Variants in ATP10B observed in about 807,000 individuals in gnomAD.
ATP10B encodes the protein phospholipid-transporting ATPase VB.
A neutral mutation model predicts 141.2 loss-of-function variants in ATP10B; 122 were observed. The observed-to-expected ratio is 0.86, with a 90% CI of 0.75 to 1.00. ATP10B has a LOEUF of 1.00. ATP10B is among the 50% of genes least tolerant of loss of function. ATP10B has a pLI of 0.00. For synonymous variants in ATP10B, 685 were observed against 692.0 expected, an observed-to-expected ratio of 0.99 and a Z score of 0.16; for missense variants, 1,876 against 1,825.3, an observed-to-expected ratio of 1.03 and a Z score of -0.51.
chr5:160,622,332 T>TA, intron 14 of ATP10B, 62 bp downstream of exon 14: 1 of 1,501,296 alleles, frequency 6.7e-7, no homozygotes, highest in Non-Finnish European at 8.9e-7. Context: ...CCCTCGCCCC[T>TA]ACCCTGCCTT....
intron 2 of ATP10B, among the ~76,000 whole-genome samples, chr5:160,780,202 A>T (rs998349867): frequency 6.6e-5 from 10 of 152,100 alleles, no homozygotes; most frequent in African/African-American, 2.4e-4. Flanking sequence ...AGAGAGACTG[A>T]GAGTACTGGA....
At chr5:160,653,777 T>C (rs1761203795) in intron 7 of ATP10B, among the ~76,000 whole-genome samples, 1 of 119,556 alleles carries the variant, frequency 8.4e-6, no homozygotes, top group African/African-American at 3.5e-5. Context: ...TATATACATA[T>C]ATACATATAT....
chr5:160,634,544 G>A lies in ATP10B; in HGVS notation c.1191C>T (p.Phe397=). Reference sequence around the variant, plus strand: ...CATACAGGTCAAGGTCATTGCTCAAGAAGAACACTTGCCCGAGCTTCACCA... The same window carrying A: ...CATACAGGTCAAGGTCATTGCTCAAAAAGAACACTTGCCCGAGCTTCACCA... ...IELVKLGQVF[F]LSNDLDLYDE... is the part of the protein sequence containing the mutation. Residue 397 remains phenylalanine, a synonymous_variant, in exon 12 of 26, where the codon TTC becomes TTT. Transcript: ENST00000327245. 1 of 1,614,180 alleles carries A rather than the reference G, an allele frequency of 6.2e-7. No homozygotes were observed. Among genetic ancestry groups the A allele is most frequent in the Middle Eastern group, 1.6e-4 (1 of 6,062 alleles).
At chr5:160,709,607 A>AT (rs1341233389) in intron 3 of ATP10B, among the ~76,000 whole-genome samples, 4 of 95,586 alleles carry the variant, frequency 4.2e-5, no homozygotes, top group Non-Finnish European at 8.0e-5. Flanking sequence ...TTTTTTTTTT[A>AT]ATTTTTTTTT....
At chr5:160,684,780 C>T in intron 6 of ATP10B, 1 of 625,588 alleles carries the variant, frequency 1.6e-6, no homozygotes, top group South Asian at 1.9e-5. Flanking sequence ...GCAGTGATAG[C>T]AGCCACAAAA....
intron 3 of ATP10B, 22 bp downstream of exon 3, chr5:160,716,887 G>C: frequency 1.0e-6 from 1 of 985,056 alleles, no homozygotes; most frequent in Non-Finnish European, 1.2e-6. Flanking sequence ...AAAGAAACGG[G>C]GAAGCAACGC....
At chr5:160,698,086 C>G (rs749149013) in intron 3 of ATP10B, among the ~76,000 whole-genome samples, 1 of 152,118 alleles carries the variant, frequency 6.6e-6, no homozygotes, top group African/African-American at 2.4e-5. Flanking sequence ...ATTTCTCCCT[C>G]GAACTTTACA....
chr5:160,889,636 C>T, the ATP10B span, among the ~76,000 whole-genome samples: 4 of 152,164 alleles, frequency 2.6e-5, no homozygotes, highest in Admixed American at 2.0e-4. Flanking sequence ...TCCCGTGGAG[C>T]TTACATAGAA....
chr5:160,672,257 G>C (rs544529666), intron 6 of ATP10B, among the ~76,000 whole-genome samples: 1 of 152,084 alleles, frequency 6.6e-6, no homozygotes, highest in Admixed American at 6.5e-5. Flanking sequence ...GATTACAGGC[G>C]TGAGCTACTG....
intron 1 of ATP10B, among the ~76,000 whole-genome samples, chr5:160,847,222 T>C (rs901317556): frequency 6.6e-6 from 1 of 152,206 alleles, no homozygotes; most frequent in African/African-American, 2.4e-5. Flanking sequence ...GGGCATTTCA[T>C]CAGAATTGCC....
At chr5:160,731,553 A>T (rs1170505149) in intron 2 of ATP10B, among the ~76,000 whole-genome samples, 1 of 152,174 alleles carries the variant, frequency 6.6e-6, no homozygotes, top group African/African-American at 2.4e-5. Context: ...TGGGAGTTGT[A>T]TGGAGAATGG....
chr5:160,806,356 G>T (rs1454331448), intron 1 of ATP10B, among the ~76,000 whole-genome samples: 2 of 152,300 alleles, frequency 1.3e-5, no homozygotes, highest in Admixed American at 1.3e-4. Context: ...AAGGTAAGCA[G>T]GCAATCAGCA....
chr5:160,594,670 T>C (rs6885105), intron 22 of ATP10B, among the ~76,000 whole-genome samples: 117,635 of 147,758 alleles, frequency 0.8, 46,897 homozygotes, highest in Middle Eastern at 0.87. Context: ...CACACATAGG[T>C]TCAAAATAAA....
chr5:160,835,294 T>C (rs535674417), intron 1 of ATP10B, among the ~76,000 whole-genome samples: 113 of 152,228 alleles, frequency 7.4e-4, no homozygotes, highest in Non-Finnish European at 1.5e-3. Context: ...ACTGTGCTTG[T>C]TGAAGAACAA....
chr5:160,881,748 T>A, the ATP10B span, among the ~76,000 whole-genome samples: 5 of 151,894 alleles, frequency 3.3e-5, no homozygotes, highest in Non-Finnish European at 7.4e-5. Flanking sequence ...GAGGTGGAGC[T>A]TGCAGTGAGA....
intron 6 of ATP10B, among the ~76,000 whole-genome samples, chr5:160,683,042 A>ACCCC (rs1763520994): frequency 2.5e-5 from 1 of 39,320 alleles, no homozygotes; most frequent in African/African-American, 7.4e-5. Context: ...CTGTCCCCCA[A>ACCCC]AAAAAAAAAA....
the ATP10B span, among the ~76,000 whole-genome samples, chr5:160,871,066 GTGT>G: frequency 1.3e-5 from 2 of 150,312 alleles, no homozygotes; most frequent in African/African-American, 4.9e-5. Context: ...CTTATAAGAA[GTGT>G]TGTTATTTAG....
chr5:160,575,974 T>C (rs114934976), intron 24 of ATP10B, among the ~76,000 whole-genome samples: 1,590 of 152,324 alleles, frequency 0.01, 29 homozygotes, highest in African/African-American at 0.034. Context: ...CTTTCTACAT[T>C]ACGGCAAGAA....
At chr5:160,900,521 T>C in the ATP10B span, among the ~76,000 whole-genome samples, 11 of 152,286 alleles carry the variant, frequency 7.2e-5, no homozygotes, top group East Asian at 1.9e-3. Context: ...TAAATATACC[T>C]CCTTTCATGA....
Sources: allele counts gnomAD v4.1 joint callset (sites outside exome capture counted in the v4.1 genomes callset), GRCh38; gene constraint gnomAD v4.1.1; transcripts MANE v1.5; gene names NCBI Gene and HGNC (gene_info 2026-07-23, HGNC 2026-07-21).